The following PRKG1 variants were observed in gnomAD, a reference collection of about 807,000 sequenced individuals.
The protein encoded by PRKG1 is protein kinase cGMP-dependent 1.
PRKG1 carries 35 observed loss-of-function variants against 88.1 expected under a neutral mutation model. The observed-to-expected ratio is 0.40, with a 90% CI of 0.30 to 0.53. The LOEUF (loss-of-function observed/expected upper bound fraction) is 0.53, where lower values mean the gene tolerates loss of function less well. Ranked by LOEUF, PRKG1 falls within the 20% of genes least tolerant of loss-of-function variation. The pLI, the probability that PRKG1 is intolerant of heterozygous loss-of-function variation, is 0.59. For synonymous variants in PRKG1, 303 were observed against 292.5 expected (o/e 1.04, Z -0.37); for missense variants, 540 against 839.8 (o/e 0.64, Z 4.41).
At chr10:51,707,991 C>G (rs1841651466) in intron 3 of PRKG1, among the ~76,000 whole-genome samples, 1 of 152,162 alleles carries the variant, frequency 6.6e-6, no homozygotes, top group Non-Finnish European at 1.5e-5. Context: ...CCAATTCCAA[C>G]CAAGGTAAGC....
At chr10:52,110,394 G>A (rs910261040) in intron 7 of PRKG1, among the ~76,000 whole-genome samples, 3 of 152,008 alleles carry the variant, frequency 2.0e-5, no homozygotes, top group African/African-American at 7.2e-5. Context: ...GGATGCACGT[G>A]TAGATCTCTT....
intron 2 of PRKG1, among the ~76,000 whole-genome samples, chr10:51,218,916 TC>T (rs1167470868): frequency 6.6e-6 from 1 of 151,996 alleles, no homozygotes; most frequent in Non-Finnish European, 1.5e-5. Context: ...GTCAGAATGT[TC>T]AGATACTATG....
intron 3 of PRKG1, among the ~76,000 whole-genome samples, chr10:51,774,078 T>G (rs1838373839): frequency 1.3e-5 from 2 of 152,118 alleles, no homozygotes; most frequent in Middle Eastern, 3.2e-3. Flanking sequence ...AAAACCTTGT[T>G]GGAGAGGTGG....
At chr10:51,866,223 A>G (rs1841011934) in intron 4 of PRKG1, among the ~76,000 whole-genome samples, 1 of 152,062 alleles carries the variant, frequency 6.6e-6, no homozygotes, top group African/African-American at 2.4e-5. Context: ...TTAAATATGA[A>G]GTAATTTTCT....
At chr10:51,485,915 T>C (rs553249213) in intron 3 of PRKG1, among the ~76,000 whole-genome samples, 78 of 152,222 alleles carry the variant, frequency 5.1e-4, no homozygotes, top group African/African-American at 1.8e-3. Flanking sequence ...CATGGCAAGA[T>C]AGACTCTCCC....
chr10:51,699,853 C>T (rs1475984147), intron 3 of PRKG1, among the ~76,000 whole-genome samples: 1 of 152,188 alleles, frequency 6.6e-6, no homozygotes, highest in Non-Finnish European at 1.5e-5. Flanking sequence ...ACGCTTGGTA[C>T]GAGATGACCA....
At chr10:51,139,245 A>C (rs1845768543) in intron 1 of PRKG1, among the ~76,000 whole-genome samples, 1 of 152,182 alleles carries the variant, frequency 6.6e-6, no homozygotes, top group Non-Finnish European at 1.5e-5. Flanking sequence ...GATTTTTAAA[A>C]ACTAGCACAG....
intron 2 of PRKG1, among the ~76,000 whole-genome samples, chr10:51,321,728 A>G (rs1226345994): frequency 6.6e-6 from 1 of 152,114 alleles, no homozygotes; most frequent in African/African-American, 2.4e-5. Flanking sequence ...AATTAATGTA[A>G]TTGTTCATTT....
chr10:51,500,955 T>A (rs1447698549), intron 3 of PRKG1, among the ~76,000 whole-genome samples: 2 of 152,202 alleles, frequency 1.3e-5, no homozygotes, highest in Non-Finnish European at 2.9e-5. Context: ...GCCATTATTT[T>A]AGTGGCAAAA....
intron 1 of PRKG1, among the ~76,000 whole-genome samples, chr10:51,005,769 A>C (rs1227372603): frequency 6.6e-6 from 1 of 152,214 alleles, no homozygotes; most frequent in Admixed American, 6.5e-5. Flanking sequence ...AATTGCTGGA[A>C]GAGCTGCTCA....
chr10:51,906,667 A>G (rs1399588792), intron 4 of PRKG1, among the ~76,000 whole-genome samples: 1 of 152,184 alleles, frequency 6.6e-6, no homozygotes, highest in Non-Finnish European at 1.5e-5. Flanking sequence ...TGAAGCCTCC[A>G]GGTAGCAGGC....
intron 3 of PRKG1, among the ~76,000 whole-genome samples, chr10:51,543,766 C>G (rs2132115694): frequency 6.6e-6 from 1 of 152,196 alleles, no homozygotes; most frequent in East Asian, 1.9e-4. Flanking sequence ...GGGGCAGAAA[C>G]AAAGCAAAAA....
intron 3 of PRKG1, among the ~76,000 whole-genome samples, chr10:51,495,054 T>C (rs1439971590): frequency 6.6e-6 from 1 of 152,094 alleles, no homozygotes; most frequent in African/African-American, 2.4e-5. Context: ...TTTGCCAAAT[T>C]AAAATTGTGT....
rs564675854 is a variant in PRKG1, at chr10:51,667,405, A to T, written c.593-137180A>T. ...GCCTTCCTTCTGTTATTTAGAATTG[A>T]GAATGCTTTATTCAAGCTAACTGGG... On this transcript the variant is annotated intron_variant, in intron 3 of 17. Coordinates refer to ENST00000373980, the MANE Select transcript of PRKG1 (RefSeq NM_006258.4). Among the ~76,000 whole-genome samples the T allele has an allele frequency of 4.6e-5, 7 of 152,308 alleles. No individual in the cohort carries two copies. The East Asian group carries it at 9.6e-4, about 21-fold the overall frequency.
intron 1 of PRKG1, among the ~76,000 whole-genome samples, chr10:51,116,063 C>T (rs1032846268): frequency 1.3e-5 from 2 of 152,012 alleles, no homozygotes; most frequent in African/African-American, 4.8e-5. Context: ...TGGGCTTTCA[C>T]TCAACAGATT....
chr10:51,622,169 C>G (rs1335966141), intron 3 of PRKG1, among the ~76,000 whole-genome samples: 1 of 152,104 alleles, frequency 6.6e-6, no homozygotes, highest in Non-Finnish European at 1.5e-5. Context: ...ATATACCATG[C>G]CTCTCTTAGT....
At chr10:51,916,983 A>C (rs1173424269) in intron 5 of PRKG1, among the ~76,000 whole-genome samples, 2 of 152,192 alleles carry the variant, frequency 1.3e-5, no homozygotes, top group African/African-American at 4.8e-5. Flanking sequence ...ATATAGAGAA[A>C]GTAAATTAGT....
intron 2 of PRKG1, among the ~76,000 whole-genome samples, chr10:51,279,490 C>T (rs1286150151): frequency 6.6e-6 from 1 of 152,094 alleles, no homozygotes; most frequent in Non-Finnish European, 1.5e-5. Context: ...TAAAGTCTCC[C>T]ATTATTATTG....
chr10:51,344,349 A>G (rs1219297718), intron 2 of PRKG1, among the ~76,000 whole-genome samples: 1 of 152,182 alleles, frequency 6.6e-6, no homozygotes, highest in Non-Finnish European at 1.5e-5. Flanking sequence ...ATGCTAAACT[A>G]TCCACGAGAA....
Sources: allele counts gnomAD v4.1 joint callset (sites outside exome capture counted in the v4.1 genomes callset), GRCh38; gene constraint gnomAD v4.1.1; transcripts MANE v1.5; gene names NCBI Gene and HGNC (gene_info 2026-07-23, HGNC 2026-07-21).